Variants in CES5A observed in about 807,000 individuals in gnomAD.
CES5A encodes the protein carboxylesterase 5.
In CES5A, 67 loss-of-function variants were observed where a neutral mutation model predicts 62.9. The ratio of observed to expected loss-of-function variants is 1.07; its 90% CI spans 0.88 to 1.31. The LOEUF (loss-of-function observed/expected upper bound fraction) is 1.31, where lower values mean the gene tolerates loss of function less well. Ranked by LOEUF, CES5A falls within the 50% of genes most tolerant of loss-of-function variation. The probability of loss-of-function intolerance (pLI) is 0.00; values close to 1 mark genes in which losing one functional copy is unlikely to be tolerated. For missense variants in CES5A, 748 were observed against 708.5 expected, an observed-to-expected ratio of 1.06 and a Z score of -0.63; for synonymous variants, 296 against 280.8, an observed-to-expected ratio of 1.05 and a Z score of -0.54.
chr16:55,930,395 TC>T (rs2034298179), upstream of CES5A, among the ~76,000 whole-genome samples: 4 of 152,336 alleles, frequency 2.6e-5, no homozygotes, highest in South Asian at 8.3e-4. Flanking sequence ...CTTGATACCT[TC>T]CACTCCCTGC....
At chr16:55,853,483 C>A (rs2033172356) in intron 9 of CES5A, among the ~76,000 whole-genome samples, 1 of 152,230 alleles carries the variant, frequency 6.6e-6, no homozygotes, top group Non-Finnish European at 1.5e-5. Context: ...TCTGTGACTA[C>A]ACGGGCAGAA....
In CES5A at chr16:55,847,998, C is replaced by T. The variant is rs1381250944; in HGVS notation, c.1424-1158G>A. On this transcript the variant is annotated intron_variant, in intron 11 of 12. Transcript: ENST00000290567. Reference sequence around the variant, plus strand: ...GATCATAGCTCACCGCAGCTTCCAACTCCTGGGCTCAAGCAATTCTTCCTG... The same window carrying T: ...GATCATAGCTCACCGCAGCTTCCAATTCCTGGGCTCAAGCAATTCTTCCTG... Among the ~76,000 whole-genome samples, 6 of 152,186 alleles carry T rather than the reference C, an allele frequency of 3.9e-5. No homozygotes were observed. In the East Asian group the frequency reaches 1.2e-3, roughly 29 times the overall value.
intron 1 of CES5A, among the ~76,000 whole-genome samples, chr16:55,893,935 T>G (rs1242180663): frequency 6.6e-6 from 1 of 152,024 alleles, no homozygotes; most frequent in African/African-American, 2.4e-5. Context: ...CTTAGTATAT[T>G]ATAATAAAAT....
intron 2 of CES5A, among the ~76,000 whole-genome samples, chr16:55,872,485 GA>G (rs1479400492): frequency 6.6e-6 from 1 of 152,166 alleles, no homozygotes; most frequent in East Asian, 1.9e-4. Context: ...GCTCAACTGT[GA>G]GCAGCTAAAA....
At position 55,898,477 on chromosome 16, in the gene CES5A, G is replaced by T. The variant is rs191537975; in HGVS notation, c.-255-24440C>A. Among the ~76,000 whole-genome samples, 152 of 152,212 alleles carry T rather than the reference G, an allele frequency of 1.0e-3. 1 individual carries two copies. Among genetic ancestry groups the T allele is most frequent in the African/African-American group, 3.4e-3 (143 of 41,528 alleles). ...AAAACATAATTGAAGTAAAATAAAA[G>T]CAAATAACCCCTGAAGAGACCTTTA... On this transcript the variant is annotated intron_variant, in intron 1 of 12. Transcript: ENST00000518005.
upstream of CES5A, among the ~76,000 whole-genome samples, chr16:55,878,044 TTAGTAGCACAGGC>T (rs1417396979): frequency 6.6e-6 from 1 of 152,128 alleles, no homozygotes; most frequent in Non-Finnish European, 1.5e-5. Flanking sequence ...GATGTCCCCA[TTAGTAGCACAGGC>T]CAGTGGCCTG....
At chr16:55,956,029 G>T in exon 1 of CES5A, 2 of 854,922 alleles carry the variant, frequency 2.3e-6, no homozygotes, top group Non-Finnish European at 3.6e-6. Flanking sequence ...ACCGTTGCCA[G>T]CTGGCTGCAT....
chr16:55,873,580 G>A (rs557087781), intron 2 of CES5A, among the ~76,000 whole-genome samples: 13 of 152,252 alleles, frequency 8.5e-5, no homozygotes, highest in Non-Finnish European at 1.3e-4. Context: ...GGCTCAGCTC[G>A]GGATATTCTG....
At chr16:55,883,524 C>G (rs1396792923) in intron 1 of CES5A, among the ~76,000 whole-genome samples, 1 of 152,198 alleles carries the variant, frequency 6.6e-6, no homozygotes, top group African/African-American at 2.4e-5. Context: ...CCTCCCATCT[C>G]GGCCTCACAG....
At position 55,947,508 on chromosome 16, in the gene CES5A, T is replaced by G. The variant is rs1158258217; in HGVS notation, c.160+2277A>C. On this transcript the variant is annotated intron_variant, in intron 2 of 13. Coordinates refer to the CES5A transcript ENST00000521992. ...AATAAAGTGAACAAAACACTTCTCA[T>G]AAAGCTTCCATTCTGCTTGGGGGAG... Among the ~76,000 whole-genome samples, 3 of 152,074 alleles carry G rather than the reference T, an allele frequency of 2.0e-5. No homozygotes were observed. In the East Asian group the frequency reaches 5.8e-4, roughly 29 times the overall value.
intron 9 of CES5A, among the ~76,000 whole-genome samples, chr16:55,855,698 ATGAC>A (rs1359022936): frequency 2.0e-4 from 30 of 152,296 alleles, no homozygotes; most frequent in African/African-American, 6.7e-4. Flanking sequence ...GGGAACAAAA[ATGAC>A]TGATAGCCAC....
chr16:55,880,216 C>A (rs1217034908), upstream of CES5A, among the ~76,000 whole-genome samples: 1 of 152,190 alleles, frequency 6.6e-6, no homozygotes, highest in Non-Finnish European at 1.5e-5. Flanking sequence ...GACAGCATAC[C>A]ACCTGAAGCA....
chr16:55,927,438 T>C (rs1234552226), upstream of CES5A, among the ~76,000 whole-genome samples: 1 of 152,070 alleles, frequency 6.6e-6, no homozygotes, highest in African/African-American at 2.4e-5. Context: ...AGTAATCTCA[T>C]TAAAAAGTGG....
chr16:55,897,367 G>C (rs1189253901), intron 1 of CES5A, among the ~76,000 whole-genome samples: 1 of 152,156 alleles, frequency 6.6e-6, no homozygotes, highest in African/African-American at 2.4e-5. Context: ...TAGAAGACAA[G>C]AGTACTTACA....
intron 1 of CES5A, among the ~76,000 whole-genome samples, chr16:55,903,027 T>G (rs1597142584): frequency 6.6e-6 from 1 of 152,086 alleles, no homozygotes; most frequent in African/African-American, 2.4e-5. Flanking sequence ...ATAATTCTGA[T>G]GGGGGAATGG....
At position 55,871,359 on chromosome 16, in the gene CES5A, A is replaced by C. The variant is rs369846229; in HGVS notation, c.417+266T>G. ...CCTTTTAAGCAGTGTCTTTTCTGAAAGCTTTCAGGTCACTAAATACGCAAC... is the reference window on the plus strand; with the variant it reads ...CCTTTTAAGCAGTGTCTTTTCTGAACGCTTTCAGGTCACTAAATACGCAAC... On this transcript the variant is annotated intron_variant, in intron 3 of 12. Transcript: ENST00000290567. Among the ~76,000 whole-genome samples the C allele has an allele frequency of 1.4e-4, 22 of 152,382 alleles. No homozygotes were observed. In the East Asian group the frequency reaches 1.5e-3, roughly 11 times the overall value.
chr16:55,871,569 A>G (rs55703803), intron 3 of CES5A, 56 bp downstream of exon 3: 64,510 of 1,602,498 alleles, frequency 0.04, 1,749 homozygotes, highest in Non-Finnish European at 0.043. Flanking sequence ...CACTGCCTGG[A>G]TCCCAGGCCA....
intron 5 of CES5A, 76 bp downstream of exon 5, chr16:55,865,887 A>G: frequency 6.6e-7 from 1 of 1,519,034 alleles, no homozygotes; most frequent in Non-Finnish European, 9.1e-7. Flanking sequence ...GGCAACAATC[A>G]AATGTTAGTG....
At chr16:55,949,980 A>C (rs2034537405) in intron 1 of CES5A, 1 of 555,930 alleles carries the variant, frequency 1.8e-6, no homozygotes, top group Non-Finnish European at 2.8e-6. Context: ...TAACCAATAC[A>C]GCATATAAGT....
Sources: allele counts gnomAD v4.1 joint callset (sites outside exome capture counted in the v4.1 genomes callset), GRCh38; gene constraint gnomAD v4.1.1; transcripts MANE v1.5; gene names NCBI Gene and HGNC (gene_info 2026-07-23, HGNC 2026-07-21).